KIAA1217: variants seen among roughly 807,000 people sequenced by gnomAD.
The protein encoded by KIAA1217 is sickle tail protein homolog.
A neutral mutation model predicts 163.9 loss-of-function variants in KIAA1217; 88 were observed. That is an observed-to-expected ratio of 0.54 (90% CI 0.45 to 0.64). KIAA1217 has a LOEUF of 0.64. Among genes scored for constraint, KIAA1217 ranks in the 30% least tolerant of loss-of-function variants. The pLI is 0.00. For synonymous variants in KIAA1217, 903 were observed against 923.1 expected (o/e 0.98, Z 0.39); for missense variants, 2,372 against 2,475.0 (o/e 0.96, Z 0.88).
intron 2 of KIAA1217, among the ~76,000 whole-genome samples, chr10:24,339,760 T>A (rs980872773): frequency 3.3e-5 from 5 of 152,246 alleles, no homozygotes; most frequent in African/African-American, 1.2e-4. Flanking sequence ...TCTCTGAGAC[T>A]TTTATTATTA....
At chr10:24,283,245 C>G (rs1024457132) in intron 2 of KIAA1217, among the ~76,000 whole-genome samples, 1 of 152,134 alleles carries the variant, frequency 6.6e-6, no homozygotes, top group Non-Finnish European at 1.5e-5. Context: ...TTGCCTTTCC[C>G]AGAATGTCAT....
intron 2 of KIAA1217, among the ~76,000 whole-genome samples, chr10:24,044,245 T>C (rs1211060317): frequency 2.0e-5 from 3 of 152,188 alleles, no homozygotes; most frequent in African/African-American, 7.2e-5. Context: ...CTTTCTAAGA[T>C]AGCTCTGTTG....
chr10:24,489,720 C>A (rs895786254), intron 6 of KIAA1217, among the ~76,000 whole-genome samples: 1 of 151,662 alleles, frequency 6.6e-6, no homozygotes, highest in African/African-American at 2.4e-5. Flanking sequence ...AAGAATTAGC[C>A]AGGCGTGGTG....
intron 2 of KIAA1217, among the ~76,000 whole-genome samples, chr10:24,184,411 C>CT (rs1262034651): frequency 6.6e-6 from 1 of 152,114 alleles, no homozygotes; most frequent in Non-Finnish European, 1.5e-5. Flanking sequence ...TAGATAGTAT[C>CT]TTTTTTTGAA....
chr10:24,325,234 TG>T (rs1188421117), intron 2 of KIAA1217, among the ~76,000 whole-genome samples: 3 of 152,198 alleles, frequency 2.0e-5, no homozygotes, highest in South Asian at 2.1e-4. Context: ...GTGGTTATAC[TG>T]GGGATTTTCT....
chr10:24,098,887 G>A (rs2062274981), intron 2 of KIAA1217, among the ~76,000 whole-genome samples: 1 of 152,136 alleles, frequency 6.6e-6, no homozygotes, highest in Non-Finnish European at 1.5e-5. Context: ...GAGAGGCTGA[G>A]ACAGAAAGAT....
At chr10:23,954,103 C>G (rs944657978) in intron 1 of KIAA1217, among the ~76,000 whole-genome samples, 1 of 152,132 alleles carries the variant, frequency 6.6e-6, no homozygotes, top group Admixed American at 6.5e-5. Flanking sequence ...TTTTCCATAT[C>G]CACTGAGCAA....
chr10:24,209,547 T>C (rs1367504081), intron 1 of KIAA1217, among the ~76,000 whole-genome samples: 1 of 152,146 alleles, frequency 6.6e-6, no homozygotes, highest in Non-Finnish European at 1.5e-5. Flanking sequence ...CTCTAAGCAA[T>C]GACAAATAAA....
At chr10:24,392,784 A>T (rs1389632702) in intron 3 of KIAA1217, among the ~76,000 whole-genome samples, 1 of 152,246 alleles carries the variant, frequency 6.6e-6, no homozygotes, top group Non-Finnish European at 1.5e-5. Context: ...TTGGAACAAG[A>T]GATGAGACAT....
chr10:23,995,228 G>A (rs995751338), intron 1 of KIAA1217, among the ~76,000 whole-genome samples: 5 of 152,104 alleles, frequency 3.3e-5, no homozygotes, highest in African/African-American at 1.2e-4. Context: ...CAAAATAACA[G>A]AAGACCAAGT....
chr10:24,011,291 G>A (rs948603872), intron 2 of KIAA1217, among the ~76,000 whole-genome samples: 4 of 152,016 alleles, frequency 2.6e-5, no homozygotes, highest in African/African-American at 9.7e-5. Context: ...TTTGAGACTT[G>A]CCTGGACAAC....
intron 2 of KIAA1217, among the ~76,000 whole-genome samples, chr10:24,125,197 G>A (rs1015573575): frequency 1.3e-5 from 2 of 152,060 alleles, no homozygotes; most frequent in South Asian, 2.1e-4. Context: ...GCTTGAACCC[G>A]GGAGATGGAG....
At chr10:24,523,572 C>T (rs1442730967) in intron 12 of KIAA1217, among the ~76,000 whole-genome samples, 2 of 152,228 alleles carry the variant, frequency 1.3e-5, no homozygotes, top group East Asian at 3.8e-4. Context: ...CATTGCCTCA[C>T]ACATAACTTT....
intron 2 of KIAA1217, among the ~76,000 whole-genome samples, chr10:24,330,026 G>A (rs189245310): frequency 9.7e-4 from 148 of 152,218 alleles, no homozygotes; most frequent in African/African-American, 2.8e-3. Flanking sequence ...ACGGCTGGGC[G>A]TGGTGGCTCA....
At chr10:23,943,133 A>T (rs1368750174) in intron 1 of KIAA1217, among the ~76,000 whole-genome samples, 2 of 152,138 alleles carry the variant, frequency 1.3e-5, no homozygotes, top group Non-Finnish European at 2.9e-5. Context: ...CAAAATTTAA[A>T]AAAAAGAAAA....
At chr10:23,733,130 C>T (rs902473496) in intron 1 of KIAA1217, among the ~76,000 whole-genome samples, 2 of 152,004 alleles carry the variant, frequency 1.3e-5, no homozygotes, top group African/African-American at 4.8e-5. Context: ...TCTCATGCCT[C>T]AGCTTCCCAA....
chr10:24,321,872 C>G (rs533729351), intron 2 of KIAA1217, among the ~76,000 whole-genome samples: 1 of 152,132 alleles, frequency 6.6e-6, no homozygotes, highest in Non-Finnish European at 1.5e-5. Flanking sequence ...CATGAAAATA[C>G]TTAGTGCCAC....
rs1441109169 is a variant in KIAA1217, at chr10:24,268,630, C to T, written c.354+48721C>T. On this transcript the variant is annotated intron_variant, in intron 2 of 20. Transcript: ENST00000376454. ...TTGGTGGGACTGTAAACTAGTTCAA[C>T]CATTGTGGAAGTCAGCGTGGAGATT... is the stretch of plus-strand genomic sequence containing the variant. 2.2e-5 allele frequency among the ~76,000 whole-genome samples: 2 copies of T among 91,992 alleles called. 1 individual carries two copies. Among genetic ancestry groups the T allele is most frequent in the Non-Finnish European group, 4.3e-5 (2 of 46,450 alleles). The allele number at this position is 91,992 out of a possible 152,430, so 60.4% of individuals were successfully genotyped here. A position where few individuals can be genotyped will look rare whatever the true frequency, so the allele number is the denominator to read the frequency against.
At chr10:24,043,143 G>A (rs1057211788) in intron 2 of KIAA1217, among the ~76,000 whole-genome samples, 3 of 152,132 alleles carry the variant, frequency 2.0e-5, no homozygotes, top group African/African-American at 7.2e-5. Context: ...ATCACAGAGG[G>A]CAATGAAATC....
Sources: gnomAD v4.1 joint callset for allele counts (sites outside exome capture counted in the v4.1 genomes callset) on GRCh38, gnomAD v4.1.1 for gene constraint, MANE v1.5 for transcripts, NCBI Gene and HGNC (gene_info 2026-07-23, HGNC 2026-07-21) for gene names.